Variants in RNF217 observed in about 807,000 individuals in gnomAD.
RNF217 encodes the protein ring finger protein 217.
In RNF217, 31 loss-of-function variants were observed where a neutral mutation model predicts 57.8. The ratio of observed to expected loss-of-function variants is 0.54; its 90% CI spans 0.40 to 0.72. RNF217 has a LOEUF of 0.72. Ranked by LOEUF, RNF217 falls within the 30% of genes least tolerant of loss-of-function variation. The pLI, the probability that RNF217 is intolerant of heterozygous loss-of-function variation, is 0.00. For synonymous variants in RNF217, 313 were observed against 294.0 expected (o/e 1.06, Z -0.66); for missense variants, 696 against 708.3 (o/e 0.98, Z 0.20).
intron 1 of RNF217, among the ~76,000 whole-genome samples, chr6:124,982,071 T>C (rs939853334): frequency 6.6e-6 from 1 of 151,036 alleles, no homozygotes; most frequent in African/African-American, 2.4e-5. Flanking sequence ...ACAAGGAATT[T>C]CCTTGTGGGC....
Position 125,009,580 on chromosome 6 carries a change from A to G in RNF217, c.883-35631A>G, listed in dbSNP as rs1785342214. On this transcript the variant is annotated intron_variant, in intron 1 of 5. Coordinates refer to ENST00000521654, the MANE Select transcript of RNF217 (RefSeq NM_001286398.3). ...GCCTGGCAGCTGACTATTCTATTGC[A>G]TTAGAATTATAGGCTCTTTTTTCCT... The G allele has an allele frequency of 9.8e-6, 3 of 307,618 alleles. No individual in the cohort carries two copies. The South Asian group carries it at 4.3e-4, about 44-fold the overall frequency. The allele number at this position is 307,618 out of a possible 1,614,324, so 19.1% of individuals were successfully genotyped here. A position where few individuals can be genotyped will look rare whatever the true frequency, so the allele number is the denominator to read the frequency against.
chr6:125,008,322 T>G (rs1029732992), intron 1 of RNF217, among the ~76,000 whole-genome samples: 1 of 152,134 alleles, frequency 6.6e-6, no homozygotes, highest in African/African-American at 2.4e-5. Context: ...TCTCCTATTT[T>G]GGGACCATAG....
chr6:124,995,685 G>C (rs1784721144), intron 1 of RNF217, among the ~76,000 whole-genome samples: 1 of 152,144 alleles, frequency 6.6e-6, no homozygotes, highest in African/African-American at 2.4e-5. Context: ...ACTTTGGGAG[G>C]TCGAGGTGGG....
Position 124,963,829 on chromosome 6 carries a change from A to G in RNF217, c.882+403A>G, listed in dbSNP as rs73770781. On this transcript the variant is annotated intron_variant, in intron 1 of 5. Coordinates refer to ENST00000521654, the MANE Select transcript of RNF217 (RefSeq NM_001286398.3). ...TGGAGCTGGTGGAGAAAAGAATTGG[A>G]ATAAATATTTCAGACCCATAATACA... is the stretch of plus-strand genomic sequence containing the variant. Among the ~76,000 whole-genome samples the G allele has an allele frequency of 1.0e-2, 1,520 of 152,356 alleles. 22 individuals are homozygous for G. The highest frequency in any genetic ancestry group is 0.032 in the African/African-American group (1,320 of 41,580).
Position 125,081,517 on chromosome 6 carries a change from A to G in RNF217, c.1555+10A>G. 1 of 1,600,332 alleles carries G rather than the reference A, an allele frequency of 6.2e-7. No individual in the cohort carries two copies. Among genetic ancestry groups the G allele is most frequent in the Non-Finnish European group, 8.6e-7 (1 of 1,168,734 alleles). On this transcript the variant is annotated intron_variant, in intron 5 of 5. Coordinates refer to ENST00000521654, the MANE Select transcript of RNF217 (RefSeq NM_001286398.3). The stretch of plus-strand genomic sequence containing the variant: ...ATAGCGGTTGTAATCGGTAAGAAAC[A>G]CTTCATGCATCTGAGATTAGAATTA...
At chr6:124,983,563 C>T (rs1030195852) in intron 1 of RNF217, 1 of 901,188 alleles carries the variant, frequency 1.1e-6, no homozygotes, top group Non-Finnish European at 1.3e-6. Flanking sequence ...CATTCTATTC[C>T]ATCTTCTGTG....
chr6:125,074,340 G>C (rs1160904929), intron 3 of RNF217, among the ~76,000 whole-genome samples: 2 of 150,726 alleles, frequency 1.3e-5, no homozygotes, highest in Non-Finnish European at 3.0e-5. Context: ...TAGATAGATA[G>C]ATAGATAGAT....
intron 1 of RNF217, among the ~76,000 whole-genome samples, chr6:124,966,182 C>G (rs1783530957): frequency 6.6e-6 from 1 of 152,136 alleles, no homozygotes; most frequent in African/African-American, 2.4e-5. Flanking sequence ...CATAAAATAG[C>G]CTTTTTTAGT....
At chr6:124,978,571 G>A (rs1178720631) in intron 1 of RNF217, among the ~76,000 whole-genome samples, 1 of 152,080 alleles carries the variant, frequency 6.6e-6, no homozygotes, top group Non-Finnish European at 1.5e-5. Flanking sequence ...CAATCCCATA[G>A]CTCAGTGAGT....
intron 1 of RNF217, among the ~76,000 whole-genome samples, chr6:125,026,424 T>C (rs1347449717): frequency 1.3e-5 from 2 of 152,166 alleles, no homozygotes; most frequent in African/African-American, 2.4e-5. Flanking sequence ...TACTAAACGC[T>C]CAACAAATGT....
At chr6:125,034,590 T>C (rs1394044924) in intron 1 of RNF217, among the ~76,000 whole-genome samples, 1 of 152,180 alleles carries the variant, frequency 6.6e-6, no homozygotes, top group African/African-American at 2.4e-5. Flanking sequence ...GCTGTTTTGG[T>C]TACTGTAGCC....
intron 1 of RNF217, among the ~76,000 whole-genome samples, chr6:124,964,821 A>G (rs972836472): frequency 1.3e-5 from 2 of 152,226 alleles, no homozygotes; most frequent in African/African-American, 4.8e-5. Context: ...TGGGATTCAG[A>G]CATTTCCAAA....
chr6:125,067,184 C>T (rs1274391881), intron 3 of RNF217, among the ~76,000 whole-genome samples: 2 of 152,100 alleles, frequency 1.3e-5, no homozygotes, highest in African/African-American at 4.8e-5. Flanking sequence ...GCCACAGGCA[C>T]TTTGTGGTTA....
chr6:125,015,863 A>G (rs1008087145), intron 1 of RNF217, among the ~76,000 whole-genome samples: 5 of 152,198 alleles, frequency 3.3e-5, no homozygotes, highest in African/African-American at 1.2e-4. Flanking sequence ...TAGAGATTAG[A>G]TTAATAAAAT....
Position 125,071,484 on chromosome 6 carries a change from ATGTGTGTGTGTGTGTGTG to A in RNF217, c.1282-5137_1282-5120del, listed in dbSNP as rs61496685. Among the ~76,000 whole-genome samples the A allele has an allele frequency of 1.2e-3, 170 of 136,838 alleles. 1 individual carries two copies. The highest frequency in any genetic ancestry group is 2.6e-3 in the African/African-American group (96 of 36,678). The allele number at this position is 136,838 out of a possible 152,430, so 89.8% of individuals were successfully genotyped here. A position where few individuals can be genotyped will look rare whatever the true frequency, so the allele number is the denominator to read the frequency against. ...TTCAACTTGGAGCATCTGCCTACAT[ATGTGTGTGTGTGTGTGTG>A]TGTGTGTGTGTGTGTGTGTGTGTGT... On this transcript the variant is annotated intron_variant, in intron 3 of 5. Coordinates refer to ENST00000521654, the MANE Select transcript of RNF217 (RefSeq NM_001286398.3).
intron 2 of RNF217, among the ~76,000 whole-genome samples, chr6:125,049,741 G>T (rs1240469577): frequency 6.6e-6 from 1 of 151,850 alleles, no homozygotes; most frequent in African/African-American, 2.4e-5. Flanking sequence ...GCAACCCTGG[G>T]TATTGAGAAG....
At chr6:124,976,811 G>T (rs547713292) in intron 1 of RNF217, among the ~76,000 whole-genome samples, 2 of 152,296 alleles carry the variant, frequency 1.3e-5, no homozygotes, top group Admixed American at 1.3e-4. Flanking sequence ...GGCCTCAGGT[G>T]TAGCTTAAAT....
Position 125,051,054 on chromosome 6 carries a change from G to A in RNF217, c.1116+5610G>A, listed in dbSNP as rs1167331853. ...ATTTCTTTCTTCAGTTACTAATGGA[G>A]TGTTTTGCTAAGGCTGTTCTTTGTT... On this transcript the variant is annotated intron_variant, in intron 2 of 5. Transcript: ENST00000521654. Among the ~76,000 whole-genome samples, 4 of 151,988 alleles carry A rather than the reference G, an allele frequency of 2.6e-5. No individual in the cohort carries two copies. The East Asian group carries it at 5.8e-4, about 22-fold the overall frequency.
chr6:124,982,808 T>G (rs1268024741), intron 1 of RNF217, among the ~76,000 whole-genome samples: 2 of 152,178 alleles, frequency 1.3e-5, no homozygotes, highest in African/African-American at 4.8e-5. Flanking sequence ...ATGTCAAAAG[T>G]TGATGACTTT....
Sources: allele counts gnomAD v4.1 joint callset (sites outside exome capture counted in the v4.1 genomes callset), GRCh38; gene constraint gnomAD v4.1.1; transcripts MANE v1.5; gene names NCBI Gene and HGNC (gene_info 2026-07-23, HGNC 2026-07-21).